Variants in COL6A2 observed in about 807,000 individuals in gnomAD.
COL6A2 encodes the protein collagen type VI alpha 2 chain.
A neutral mutation model predicts 124.9 loss-of-function variants in COL6A2; 90 were observed. The ratio of observed to expected loss-of-function variants is 0.72; its 90% CI spans 0.61 to 0.86. The LOEUF (loss-of-function observed/expected upper bound fraction) is 0.86, where lower values mean the gene tolerates loss of function less well. Ranked by LOEUF, COL6A2 falls within the 40% of genes least tolerant of loss-of-function variation. COL6A2 has a pLI of 0.00. For missense variants in COL6A2, 1,607 were observed against 1,502.5 expected, an observed-to-expected ratio of 1.07 and a Z score of -1.15; for synonymous variants, 793 against 618.2, an observed-to-expected ratio of 1.28 and a Z score of -4.19.
chr21:46,100,889 C>T (rs1335884646), intron 1 of COL6A2, among the ~76,000 whole-genome samples: 1 of 152,196 alleles, frequency 6.6e-6, no homozygotes. Context: ...TTGGAGATCC[C>T]ACTTTCACTT....
rs572546279 is a variant in COL6A2 at position 46,123,505 on chromosome 21, ATGGATGGATGGGCAAG to A, written c.1671+576_1671+591del. Among the ~76,000 whole-genome samples, 368 of 152,198 alleles carry A rather than the reference ATGGATGGATGGGCAAG, an allele frequency of 2.4e-3. 3 individuals carry two copies. Among genetic ancestry groups the A allele is most frequent in the South Asian group, 0.011 (55 of 4,828 alleles). On this transcript the variant is annotated intron_variant, in intron 21 of 27. Coordinates refer to ENST00000300527, the MANE Select transcript of COL6A2 (RefSeq NM_001849.4). Reference sequence around the variant, plus strand: ...AGCACAAAACAAGGGATGGATAACGATGGATGGATGGGCAAGTGGATGGGGGTGGGCAAATGGATGG... The same window carrying A: ...AGCACAAAACAAGGGATGGATAACGATGGATGGGGGTGGGCAAATGGATGG...
chr21:46,131,882 G>A (rs1455875486), intron 27 of COL6A2, 72 bp from the exon 28 acceptor site: 5 of 1,401,536 alleles, frequency 3.6e-6, no homozygotes, highest in Non-Finnish European at 3.9e-6. Flanking sequence ...GAAGGGCACA[G>A]GTGCGGGGCT....
At chr21:46,127,179 A>AGTCCCCCTCAGTGAGCC (rs2078684212) in intron 27 of COL6A2, among the ~76,000 whole-genome samples, 1 of 152,032 alleles carries the variant, frequency 6.6e-6, no homozygotes, top group East Asian at 1.9e-4. Flanking sequence ...TTAGGAGCTG[A>AGTCCCCCTCAGTGAGCC]GTCCCCCTCA....
chr21:46,117,259 G>A (rs1298545794), intron 10 of COL6A2, 141 bp from the exon 11 acceptor site: 6 of 801,796 alleles, frequency 7.5e-6, no homozygotes, highest in African/African-American at 5.1e-5. Flanking sequence ...CAGCAGCCGT[G>A]GCCTCATGTG....
intron 1 of COL6A2, among the ~76,000 whole-genome samples, chr21:46,110,078 T>G (rs1000659579): frequency 6.6e-5 from 10 of 152,270 alleles, no homozygotes; most frequent in Admixed American, 5.9e-4. Context: ...TCTCGCAGCC[T>G]GGGGCAGGGT....
At position 46,115,854 on chromosome 21, in the gene COL6A2, T is replaced by C. The variant is rs759076099; in HGVS notation, c.802-18T>C. 2 of 1,612,434 alleles carry C rather than the reference T, an allele frequency of 1.2e-6. No homozygotes were observed. Among genetic ancestry groups the C allele is most frequent in the East Asian group, 2.2e-5 (1 of 44,880 alleles). On this transcript the variant is annotated intron_variant, in intron 5 of 27. Coordinates refer to ENST00000300527, the MANE Select transcript of COL6A2 (RefSeq NM_001849.4). ...CCCACCCTACCCTGCCTCGATGTACTCTTTTCTCTGCTTTTAGGGTGCCAA... is the reference window on the plus strand; with the variant it reads ...CCCACCCTACCCTGCCTCGATGTACCCTTTTCTCTGCTTTTAGGGTGCCAA...
chr21:46,118,615 G>A lies in COL6A2; in HGVS notation c.1118G>A (p.Gly373Glu). 1 of 1,612,514 alleles carries A rather than the reference G, an allele frequency of 6.2e-7. No homozygotes were observed. Among genetic ancestry groups the A allele is most frequent in the Non-Finnish European group, 8.5e-7 (1 of 1,179,874 alleles). ...PGERGDQGGKGDPGRPGRRGP... is the reference protein window; with the variant it reads ...PGERGDQGGKEDPGRPGRRGP... ...GGCTGATTCTGCAAACCCTTCCAGG[G>A]GGACCCTGGCCGCCCAGGACGCAGA... The change falls in exon 13 of 28, where the codon GGG (glycine) becomes GAG (glutamate). Residue 373 changes from glycine to glutamate, a missense_variant and splice_region_variant. Physicochemically the swap from Gly to Glu is moderately conservative, Grantham distance 98. Transcript: ENST00000300527.
chr21:46,122,999 T>G, intron 21 of COL6A2, 62 bp downstream of exon 21: 1 of 1,490,260 alleles, frequency 6.7e-7, no homozygotes, highest in Non-Finnish European at 9.4e-7. Context: ...GCCCTGAGGC[T>G]GAGCGTGTGC....
At chr21:46,110,436 C>G (rs964121348) in intron 1 of COL6A2, among the ~76,000 whole-genome samples, 1 of 152,152 alleles carries the variant, frequency 6.6e-6, no homozygotes, top group Admixed American at 6.5e-5. Context: ...AGTTAAATAG[C>G]ATGAAGTGCT....
In COL6A2 at chr21:46,117,947, T is replaced by C; in HGVS notation, c.1116+11T>C. ...GACCAAGGCGGCAAGGTAAGTGGCC[T>C]TGTCAGGGTACGGGGCAGGCGGGGT... On this transcript the variant is annotated intron_variant, in intron 12 of 27. Transcript: ENST00000300527. 1 of 1,611,142 alleles carries C rather than the reference T, an allele frequency of 6.2e-7. No individual in the cohort carries two copies. The highest frequency in any genetic ancestry group is 1.7e-5 in the Admixed American group (1 of 59,870).
chr21:46,111,801 G>T (rs1191635582), intron 2 of COL6A2, among the ~76,000 whole-genome samples, 178 bp from the exon 3 acceptor site: 2 of 88,482 alleles, frequency 2.3e-5, no homozygotes, highest in African/African-American at 4.7e-5. Context: ...GGGGCCGGGG[G>T]CTCTGGGCAT....
intron 1 of COL6A2, among the ~76,000 whole-genome samples, chr21:46,101,945 A>G (rs972906463): frequency 1.5e-5 from 2 of 136,330 alleles, no homozygotes; most frequent in Admixed American, 1.6e-4. Flanking sequence ...AAAAAAAAAC[A>G]ATCACTGGGA....
chr21:46,113,870 C>T (rs1207568268), intron 4 of COL6A2, 138 bp from the exon 5 acceptor site: 4 of 745,910 alleles, frequency 5.4e-6, no homozygotes, highest in Non-Finnish European at 9.6e-6. Flanking sequence ...CTCCCTCACG[C>T]CCGCCCAGGT....
At position 46,099,889 on chromosome 21, in the gene COL6A2, C is replaced by CGTTTTT. The variant is rs1345870090; in HGVS notation, c.-28+1716_-28+1717insGTTTTT. On this transcript the variant is annotated intron_variant, in intron 1 of 27. Transcript: ENST00000300527. ...TCTCCACAATGGATAGCAGCACTGT[C>CGTTTTT]TTTTTTTTTTTTTTTTTTTTTTTCT... 1.2e-4 allele frequency among the ~76,000 whole-genome samples: 11 copies of CGTTTTT among 91,838 alleles called. 1 individual carries two copies. Among genetic ancestry groups the CGTTTTT allele is most frequent in the African/African-American group, 1.2e-4 (3 of 26,022 alleles). 60.2% of individuals were successfully genotyped at this position (91,838 alleles called of 152,430 possible). A position where few individuals can be genotyped will look rare whatever the true frequency, so the allele number is the denominator to read the frequency against.
Position 46,132,374 on chromosome 21 carries a change from C to T in COL6A2, c.2882C>T (p.Ala961Val), listed in dbSNP as rs138674440. 1.3e-4 allele frequency: 214 copies of T among 1,609,238 alleles called. No homozygotes were observed. In the African/African-American group the frequency reaches 2.4e-3, roughly 18 times the overall value. ...VTGNDSLHES[A>V]HSMRKQNVVP... ...GGCAACGACAGTCTGCACGAGTCGG[C>T]GCACTCCATGCGCAAGCAGAACGTG... Residue 961 changes from alanine to valine, a missense_variant, in exon 28 of 28, where the codon GCG becomes GTG. Coordinates refer to ENST00000300527, the MANE Select transcript of COL6A2 (RefSeq NM_001849.4).
rs555108188 is a variant in COL6A2 at position 46,115,343 on chromosome 21, T to C, written c.802-529T>C. Among the ~76,000 whole-genome samples the C allele has an allele frequency of 1.2e-4, 19 of 152,386 alleles. No individual in the cohort carries two copies. In the South Asian group the frequency reaches 3.7e-3, roughly 30 times the overall value. ...ACCTCTTAATTCTTCCCCTTTCCTC[T>C]GCTCCTCTTTGCACTTAAATTGGGA... is the stretch of plus-strand genomic sequence containing the variant. On this transcript the variant is annotated intron_variant, in intron 5 of 27. Coordinates refer to ENST00000300527, the MANE Select transcript of COL6A2 (RefSeq NM_001849.4).
At position 46,112,441 on chromosome 21, in the gene COL6A2, A is replaced by C; in HGVS notation, c.578A>C (p.Asn193Thr). 6.2e-7 allele frequency: 1 copy of C among 1,610,066 alleles called. No homozygotes were observed. The highest frequency in any genetic ancestry group is 8.5e-7 in the Non-Finnish European group (1 of 1,179,658). Residue 193 changes from asparagine to threonine, a missense_variant, in exon 3 of 28, where the codon AAC (asparagine) becomes ACC (threonine). Physicochemically the swap from Asn to Thr is moderately conservative, Grantham distance 65. This residue lies in a region of COL6A2 where 342 missense variants were observed against 381.5 expected (regional missense o/e 0.90). Coordinates refer to ENST00000300527, the MANE Select transcript of COL6A2 (RefSeq NM_001849.4). ...ATCCGGCTCTTCGCCGTGGCCCCCA[A>C]CCAGAACCTGAAGGAGCAGGGCCTG... ...EGIRLFAVAP[N>T]QNLKEQGLRD...
At position 46,099,840 on chromosome 21, in the gene COL6A2, A is replaced by G. The variant is rs376086483; in HGVS notation, c.-28+1667A>G. Among the ~76,000 whole-genome samples, 18 of 149,448 alleles carry G rather than the reference A, an allele frequency of 1.2e-4. No homozygotes were observed. The East Asian group carries it at 2.6e-3, about 22-fold the overall frequency. ...CAGAGGTCAGAAACGTCAGATGCCC[A>G]TCCCAGAAGTGGCGGGGAACCTGTC... On this transcript the variant is annotated intron_variant, in intron 1 of 27. Transcript: ENST00000300527.
At chr21:46,131,211 T>G (rs561580304) in intron 27 of COL6A2, among the ~76,000 whole-genome samples, 2 of 152,326 alleles carry the variant, frequency 1.3e-5, no homozygotes, top group South Asian at 4.1e-4. Context: ...ACTGTCCGTG[T>G]CCTGTCCTGT....
Sources: allele counts gnomAD v4.1 joint callset (sites outside exome capture counted in the v4.1 genomes callset), GRCh38; gene constraint gnomAD v4.1.1; regional missense constraint gnomAD v4.1.1; transcripts MANE v1.5; gene names NCBI Gene and HGNC (gene_info 2026-07-23, HGNC 2026-07-21).